ST8SIA5: variants seen among roughly 807,000 people sequenced by gnomAD.
ST8SIA5 encodes ST8 alpha-N-acetyl-neuraminide alpha-2,8-sialyltransferase 5, also known as alpha-2,8-sialyltransferase 8E.
ST8SIA5 carries 24 observed loss-of-function variants against 40.2 expected under a neutral mutation model. That is an observed-to-expected ratio of 0.60 (90% CI 0.43 to 0.84). ST8SIA5 has a LOEUF of 0.84. ST8SIA5 is among the 40% of genes least tolerant of loss of function. ST8SIA5 has a pLI of 0.00. For missense variants in ST8SIA5, 465 were observed against 498.5 expected, an observed-to-expected ratio of 0.93 and a Z score of 0.64; for synonymous variants, 198 against 201.8, an observed-to-expected ratio of 0.98 and a Z score of 0.16.
At position 46,676,324 on chromosome 18, in the gene ST8SIA5, C is replaced by T. The variant is rs1201737522; in HGVS notation, c.*3718G>A. The T allele has an allele frequency of 6.6e-6, 1 of 152,228 alleles. No homozygotes were observed. The highest frequency in any genetic ancestry group is 2.4e-5 in the African/African-American group (1 of 41,434). The allele number at this position is 152,228 out of a possible 1,614,324, so 9.4% of individuals were successfully genotyped here. A position where few individuals can be genotyped will look rare whatever the true frequency, so the allele number is the denominator to read the frequency against. On this transcript the variant is annotated 3_prime_UTR_variant, in exon 7 of 7. Transcript: ENST00000315087. ...AACGTCTGTATACACACACACCAGA[C>T]CACAAACTCCCGGAGGGCAGGGACG...
At chr18:46,719,576 G>T (rs1327977279) in intron 1 of ST8SIA5, among the ~76,000 whole-genome samples, 3 of 152,216 alleles carry the variant, frequency 2.0e-5, no homozygotes, top group Non-Finnish European at 4.4e-5. Context: ...AATGACAATG[G>T]TTTCAGCCAC....
At chr18:46,682,131 G>A (rs997223692) in intron 5 of ST8SIA5, 67 bp from the exon 6 acceptor site, 2 of 1,225,634 alleles carry the variant, frequency 1.6e-6, no homozygotes, top group Middle Eastern at 2.6e-4. Flanking sequence ...GAGGGTGCAG[G>A]GGGAGGGGAG....
chr18:46,745,101 C>G (rs182713636), intron 1 of ST8SIA5, among the ~76,000 whole-genome samples: 1 of 152,100 alleles, frequency 6.6e-6, no homozygotes, highest in Non-Finnish European at 1.5e-5. Context: ...TAAATGCCCA[C>G]AAGAGAAAGC....
intron 1 of ST8SIA5, among the ~76,000 whole-genome samples, chr18:46,723,904 T>C (rs1405520606): frequency 6.6e-6 from 1 of 151,350 alleles, no homozygotes; most frequent in African/African-American, 2.4e-5. Flanking sequence ...CCAGCCTGGG[T>C]GACAAGAGCA....
chr18:46,755,711 A>G (rs1415135150), intron 1 of ST8SIA5, among the ~76,000 whole-genome samples: 2 of 152,118 alleles, frequency 1.3e-5, no homozygotes, highest in Non-Finnish European at 2.9e-5. Flanking sequence ...GGAGAGCCCA[A>G]CGAGGGGTTA....
At chr18:46,699,115 A>G (rs561256150) in intron 2 of ST8SIA5, among the ~76,000 whole-genome samples, 1 of 152,358 alleles carries the variant, frequency 6.6e-6, no homozygotes, top group Non-Finnish European at 1.5e-5. Flanking sequence ...CGGCCTTGTC[A>G]TTTTAAAAGT....
rs560477047 is a variant in ST8SIA5 at position 46,730,779 on chromosome 18, T to C, written c.131+25599A>G. Among the ~76,000 whole-genome samples, 229 of 152,290 alleles carry C rather than the reference T, an allele frequency of 1.5e-3. 2 individuals carry two copies. Among genetic ancestry groups the C allele is most frequent in the African/African-American group, 5.1e-3 (211 of 41,566 alleles). ...TCACACCACTGCACTCTAGCCTGGG[T>C]GACAGGGCAAGATGCTGTCTCAAAA... On this transcript the variant is annotated intron_variant, in intron 1 of 6. Transcript: ENST00000315087.
intron 3 of ST8SIA5, among the ~76,000 whole-genome samples, chr18:46,691,099 A>G (rs911336120): frequency 2.0e-5 from 3 of 152,150 alleles, no homozygotes; most frequent in Non-Finnish European, 2.9e-5. Context: ...AGCACAGATT[A>G]TGGTTCTATT....
rs776980061 is a variant in ST8SIA5, at chr18:46,680,009, G to A, written c.*33C>T. Reference sequence around the variant, plus strand: ...ACCAGGAGGGACAGCAGGAGAGGGGGCGCCGCTTGCCGGGCAGCCTGGCTG... The same window carrying A: ...ACCAGGAGGGACAGCAGGAGAGGGGACGCCGCTTGCCGGGCAGCCTGGCTG... On this transcript the variant is annotated 3_prime_UTR_variant, in exon 7 of 7. Transcript: ENST00000315087. The A allele has an allele frequency of 5.7e-6, 9 of 1,570,462 alleles. No homozygotes were observed. Among genetic ancestry groups the A allele is most frequent in the Non-Finnish European group, 7.8e-6 (9 of 1,157,244 alleles).
chr18:46,748,318 C>T (rs977210186), intron 1 of ST8SIA5, among the ~76,000 whole-genome samples: 3 of 151,858 alleles, frequency 2.0e-5, no homozygotes, highest in Non-Finnish European at 4.4e-5. Flanking sequence ...AATCCCAGCA[C>T]TTTGGGAGGC....
intron 1 of ST8SIA5, among the ~76,000 whole-genome samples, chr18:46,733,651 C>T (rs1234205510): frequency 6.6e-6 from 1 of 152,208 alleles, no homozygotes; most frequent in South Asian, 2.1e-4. Flanking sequence ...GAATGTTATT[C>T]CACACAGGGC....
chr18:46,719,921 C>G (rs955168685), intron 1 of ST8SIA5, among the ~76,000 whole-genome samples: 6 of 151,526 alleles, frequency 4.0e-5, no homozygotes, highest in Non-Finnish European at 8.8e-5. Flanking sequence ...TCACTGCAGC[C>G]TCTGCCTCCC....
At chr18:46,699,278 T>A in intron 2 of ST8SIA5, among the ~76,000 whole-genome samples, 1 of 152,182 alleles carries the variant, frequency 6.6e-6, no homozygotes, top group East Asian at 1.9e-4. Flanking sequence ...ATAGACAGAC[T>A]AAAAATATTA....
intron 1 of ST8SIA5, among the ~76,000 whole-genome samples, chr18:46,715,100 C>T (rs535521928): frequency 6.6e-6 from 1 of 152,324 alleles, no homozygotes; most frequent in South Asian, 2.1e-4. Context: ...TTTGTTTCTC[C>T]AGCATCCAGC....
At chr18:46,752,527 C>T (rs1049549264) in intron 1 of ST8SIA5, among the ~76,000 whole-genome samples, 1 of 152,190 alleles carries the variant, frequency 6.6e-6, no homozygotes, top group Admixed American at 6.5e-5. Flanking sequence ...ACACTGAGCC[C>T]ACTAAGCCAC....
chr18:46,754,525 C>G (rs1467349072), intron 1 of ST8SIA5, among the ~76,000 whole-genome samples: 1 of 152,200 alleles, frequency 6.6e-6, no homozygotes, highest in Non-Finnish European at 1.5e-5. Context: ...TACAGGCACG[C>G]TTCCAGGATC....
chr18:46,706,113 TTAA>T lies in ST8SIA5; in HGVS notation c.132-1452_132-1450del, dbSNP rs148377721. 2.6e-3 allele frequency among the ~76,000 whole-genome samples: 399 copies of T among 152,096 alleles called. 3 individuals carry two copies. Among genetic ancestry groups the T allele is most frequent in the African/African-American group, 9.4e-3 (391 of 41,504 alleles). ...AAGTTATGTTTATAAATATTTGTCC[TTAA>T]TAATTTTAATATAGTTTTAAGTACT... is the stretch of plus-strand genomic sequence containing the variant. On this transcript the variant is annotated intron_variant, in intron 1 of 6. Coordinates refer to ENST00000315087, the MANE Select transcript of ST8SIA5 (RefSeq NM_013305.6).
rs57103056 is a variant in ST8SIA5 at position 46,705,555 on chromosome 18, T to A, written c.132-891A>T. Among the ~76,000 whole-genome samples, 967 of 152,330 alleles carry A rather than the reference T, an allele frequency of 6.3e-3. 11 individuals carry two copies. Among genetic ancestry groups the A allele is most frequent in the African/African-American group, 0.022 (920 of 41,570 alleles). ...AGGTGGCAGAGCCAAGATGGGAACC[T>A]GCATGCTGACTCAAGGCTGCTCTTT... On this transcript the variant is annotated intron_variant, in intron 1 of 6. Transcript: ENST00000315087.
At chr18:46,711,570 C>T (rs2014760629) in intron 1 of ST8SIA5, among the ~76,000 whole-genome samples, 2 of 152,174 alleles carry the variant, frequency 1.3e-5, no homozygotes, top group Non-Finnish European at 2.9e-5. Context: ...GGCAACAGCC[C>T]TTCAGTGAGC....
Sources: gnomAD v4.1 joint callset for allele counts (sites outside exome capture counted in the v4.1 genomes callset) on GRCh38, gnomAD v4.1.1 for gene constraint, MANE v1.5 for transcripts, NCBI Gene and HGNC (gene_info 2026-07-23, HGNC 2026-07-21) for gene names.